Variants in OXR1 observed in about 807,000 individuals in gnomAD.
OXR1 encodes oxidation resistance 1.
In OXR1, 41 loss-of-function variants were observed where a neutral mutation model predicts 104.6. The ratio of observed to expected loss-of-function variants is 0.39; its 90% CI spans 0.31 to 0.51. OXR1 has a LOEUF of 0.51. OXR1 is among the 20% of genes least tolerant of loss of function. The pLI, the probability that OXR1 is intolerant of heterozygous loss-of-function variation, is 0.77. For synonymous variants in OXR1, 348 were observed against 348.4 expected, an observed-to-expected ratio of 1.00 and a Z score of 0.01; for missense variants, 955 against 1,031.9, an observed-to-expected ratio of 0.93 and a Z score of 1.02.
At chr8:106,363,419 A>G (rs904709032) in intron 2 of OXR1, among the ~76,000 whole-genome samples, 9 of 152,228 alleles carry the variant, frequency 5.9e-5, no homozygotes, top group Admixed American at 1.3e-4. Flanking sequence ...ATTCCTTAAT[A>G]TAAAGAAATA....
At chr8:106,692,630 C>T (rs571331002) in intron 6 of OXR1, 98 bp from the exon 7 acceptor site, 5 of 630,898 alleles carry the variant, frequency 7.9e-6, no homozygotes, top group Non-Finnish European at 1.2e-5. Flanking sequence ...TGAAACAACA[C>T]TTATTGGGGA....
At chr8:106,497,435 T>C (rs1174554700) in intron 2 of OXR1, among the ~76,000 whole-genome samples, 2 of 152,236 alleles carry the variant, frequency 1.3e-5, no homozygotes, top group African/African-American at 2.4e-5. Flanking sequence ...TTTTCTGTTA[T>C]ATAATTTTCC....
intron 2 of OXR1, among the ~76,000 whole-genome samples, chr8:106,460,258 C>T (rs1406979607): frequency 6.6e-6 from 1 of 152,172 alleles, no homozygotes; most frequent in Non-Finnish European, 1.5e-5. Flanking sequence ...TCTGTAAAGA[C>T]TTACATTACA....
chr8:106,713,779 C>G, intron 10 of OXR1, 44 bp from the exon 11 acceptor site: 1 of 1,157,788 alleles, frequency 8.6e-7, no homozygotes, highest in Non-Finnish European at 1.2e-6. Flanking sequence ...TTAATTCTGG[C>G]AGCACAGAAT....
intron 11 of OXR1, among the ~76,000 whole-genome samples, chr8:106,736,168 C>CCCG (rs1834351608): frequency 6.7e-6 from 1 of 150,312 alleles, no homozygotes; most frequent in South Asian, 2.2e-4. Flanking sequence ...ATCTGACACC[C>CCCG]CCCCCCATCC....
rs559456738 is a variant in OXR1 at position 106,752,097 on chromosome 8, A to G, written c.*1156A>G. ...ATAATAGCCATTGTGGCAATAATTC[A>G]TCAGTTGATTTTAAAGCTTCATGTT... On this transcript the variant is annotated 3_prime_UTR_variant, in exon 17 of 17. Transcript: ENST00000517566. 3.3e-5 allele frequency: 5 copies of G among 152,676 alleles called. No individual in the cohort carries two copies. The highest frequency in any genetic ancestry group is 1.9e-4 in the East Asian group (1 of 5,190). 9.5% of individuals were successfully genotyped at this position (152,676 alleles called of 1,614,324 possible).
chr8:106,492,141 A>C (rs1207482308), intron 2 of OXR1, among the ~76,000 whole-genome samples: 1 of 152,148 alleles, frequency 6.6e-6, no homozygotes, highest in Non-Finnish European at 1.5e-5. Context: ...TTCTTTGAAA[A>C]TTTAAAATTC....
intron 2 of OXR1, among the ~76,000 whole-genome samples, chr8:106,492,060 T>G (rs117174561): frequency 4.6e-5 from 7 of 152,348 alleles, no homozygotes; most frequent in Non-Finnish European, 7.3e-5. Context: ...TAACATTTTG[T>G]GTATGAAATA....
intron 3 of OXR1, among the ~76,000 whole-genome samples, chr8:106,579,411 A>G (rs1818081856): frequency 6.6e-6 from 1 of 152,196 alleles, no homozygotes; most frequent in Non-Finnish European, 1.5e-5. Flanking sequence ...GCTGAAATAA[A>G]TGAGCAAGCT....
intron 2 of OXR1, among the ~76,000 whole-genome samples, chr8:106,479,893 A>G (rs544899689): frequency 7.9e-5 from 12 of 152,114 alleles, no homozygotes; most frequent in Admixed American, 3.9e-4. Flanking sequence ...TAAGGAACAA[A>G]CGTGAAAGAC....
At chr8:106,511,574 T>C (rs1255426657) in intron 2 of OXR1, among the ~76,000 whole-genome samples, 2 of 151,580 alleles carry the variant, frequency 1.3e-5, no homozygotes, top group Non-Finnish European at 2.9e-5. Context: ...CACACACACT[T>C]GTGTGAATAT....
chr8:106,348,007 A>C (rs2130297028), intron 1 of OXR1, among the ~76,000 whole-genome samples: 1 of 152,316 alleles, frequency 6.6e-6, no homozygotes, highest in South Asian at 2.1e-4. Flanking sequence ...GAATTTTTCC[A>C]AGTTTTGAAT....
chr8:106,570,485 A>G (rs1817394628), intron 3 of OXR1, among the ~76,000 whole-genome samples: 1 of 152,194 alleles, frequency 6.6e-6, no homozygotes, highest in South Asian at 2.1e-4. Flanking sequence ...GAATTTAGAA[A>G]GATTAAGTAA....
At chr8:106,396,292 G>C (rs1002128898) in intron 2 of OXR1, among the ~76,000 whole-genome samples, 2 of 151,966 alleles carry the variant, frequency 1.3e-5, no homozygotes, top group African/African-American at 4.8e-5. Flanking sequence ...CTTTACAGTA[G>C]AGAAACCTGA....
chr8:106,434,199 T>C (rs895400715), intron 2 of OXR1, among the ~76,000 whole-genome samples: 1 of 152,214 alleles, frequency 6.6e-6, no homozygotes, highest in African/African-American at 2.4e-5. Context: ...TGGTGTTATA[T>C]GCATGCATGT....
intron 1 of OXR1, among the ~76,000 whole-genome samples, chr8:106,288,605 T>A (rs1391465444): frequency 2.0e-5 from 3 of 148,540 alleles, no homozygotes; most frequent in Admixed American, 6.8e-5. Flanking sequence ...ATATATACTC[T>A]CTATATATTT....
chr8:106,627,428 GA>G (rs370467574), intron 3 of OXR1, among the ~76,000 whole-genome samples: 6 of 152,004 alleles, frequency 3.9e-5, no homozygotes, highest in Admixed American at 6.5e-5. Context: ...CTTTTTGAAA[GA>G]AAAAAAGATG....
At position 106,726,310 on chromosome 8, in the gene OXR1, G is replaced by A. The variant is rs772300962; in HGVS notation, c.1957-11210G>A. 7.5e-5 allele frequency: 109 copies of A among 1,444,978 alleles called. 1 individual carries two copies. The highest frequency in any genetic ancestry group is 9.8e-5 in the Non-Finnish European group (105 of 1,070,030). The allele number at this position is 1,444,978 out of a possible 1,614,324, so 89.5% of individuals were successfully genotyped here. ...ACCAATTAATCATAAATACACTCTG[G>A]TAAATCTTAGTCAATTATTTTAATT... On this transcript the variant is annotated intron_variant, in intron 11 of 16. Transcript: ENST00000517566.
intron 2 of OXR1, among the ~76,000 whole-genome samples, chr8:106,474,190 C>T (rs1454203997): frequency 6.6e-6 from 1 of 150,572 alleles, no homozygotes; most frequent in Non-Finnish European, 1.5e-5. Context: ...AATCTTATTT[C>T]TCAAAGTATG....
Sources: allele counts gnomAD v4.1 joint callset (sites outside exome capture counted in the v4.1 genomes callset), GRCh38; gene constraint gnomAD v4.1.1; transcripts MANE v1.5; gene names NCBI Gene and HGNC (gene_info 2026-07-23, HGNC 2026-07-21).